Variants in FHIT observed in about 807,000 individuals in gnomAD.
FHIT encodes fragile histidine triad diadenosine triphosphatase.
A neutral mutation model predicts 17.9 loss-of-function variants in FHIT; 19 were observed. That is an observed-to-expected ratio of 1.06 (90% CI 0.74 to 1.56). The LOEUF is 1.56. Ranked by LOEUF, FHIT falls within the 40% of genes most tolerant of loss-of-function variation. The probability of loss-of-function intolerance (pLI) is 0.00; values close to 1 mark genes in which losing one functional copy is unlikely to be tolerated. For synonymous variants in FHIT, 81 were observed against 69.7 expected, an observed-to-expected ratio of 1.16 and a Z score of -0.81; for missense variants, 248 against 189.2, an observed-to-expected ratio of 1.31 and a Z score of -1.82.
intron 5 of FHIT, among the ~76,000 whole-genome samples, chr3:60,133,792 A>G (rs1418586544): frequency 2.6e-5 from 4 of 151,978 alleles, no homozygotes; most frequent in African/African-American, 9.7e-5. Flanking sequence ...TAAATCTAAA[A>G]ATAGAGTACT....
At chr3:61,223,044 T>C (rs2106834063) in intron 1 of FHIT, among the ~76,000 whole-genome samples, 1 of 152,340 alleles carries the variant, frequency 6.6e-6, no homozygotes, top group Admixed American at 6.5e-5. Flanking sequence ...TCTGCATTCA[T>C]TATCTCTGGC....
intron 4 of FHIT, among the ~76,000 whole-genome samples, chr3:60,723,701 T>C (rs1211538530): frequency 6.6e-6 from 1 of 152,250 alleles, no homozygotes; most frequent in Non-Finnish European, 1.5e-5. Context: ...CTTTGTGTTC[T>C]TTCACTGTAG....
intron 5 of FHIT, among the ~76,000 whole-genome samples, chr3:60,254,765 G>A (rs1705901339): frequency 6.6e-6 from 1 of 152,070 alleles, no homozygotes; most frequent in South Asian, 2.1e-4. Flanking sequence ...CCTTATATGA[G>A]ACAGAAAGGA....
At chr3:61,198,538 G>A (rs530477741) in intron 2 of FHIT, among the ~76,000 whole-genome samples, 11 of 151,934 alleles carry the variant, frequency 7.2e-5, no homozygotes, top group Admixed American at 5.3e-4. Context: ...AATTGGTGGG[G>A]GGGTTCCCTC....
At chr3:60,595,977 T>G (rs936913498) in intron 4 of FHIT, 1 of 153,770 alleles carries the variant, frequency 6.5e-6, no homozygotes, top group Non-Finnish European at 1.4e-5. Flanking sequence ...CCAAATCCCA[T>G]GCAAAGTATA....
intron 8 of FHIT, among the ~76,000 whole-genome samples, chr3:59,920,197 C>G (rs1705334491): frequency 6.6e-6 from 1 of 152,164 alleles, no homozygotes; most frequent in Non-Finnish European, 1.5e-5. Context: ...TGAAATAAGC[C>G]TTTCAGGCTA....
At position 60,111,481 on chromosome 3, in the gene FHIT, C is replaced by A. The variant is rs770747259; in HGVS notation, c.104-97329G>T. On this transcript the variant is annotated intron_variant, in intron 5 of 9. Transcript: ENST00000492590. Reference sequence around the variant, plus strand: ...TGACACCCTAGAAAAATGATGCCAACCCATGCAGATTAGTTTCTTCCAGCA... The same window carrying A: ...TGACACCCTAGAAAAATGATGCCAAACCATGCAGATTAGTTTCTTCCAGCA... Among the ~76,000 whole-genome samples, 32 of 152,284 alleles carry A rather than the reference C, an allele frequency of 2.1e-4. No individual in the cohort carries two copies. The South Asian group carries it at 3.3e-3, about 16-fold the overall frequency.
intron 3 of FHIT, among the ~76,000 whole-genome samples, chr3:61,013,641 AGAG>A (rs899967862): frequency 6.6e-6 from 1 of 152,202 alleles, no homozygotes; most frequent in Non-Finnish European, 1.5e-5. Flanking sequence ...GAGAGAAAAA[AGAG>A]GAGGTGATGA....
intron 8 of FHIT, among the ~76,000 whole-genome samples, chr3:59,907,727 C>T (rs561283242): frequency 2.0e-5 from 3 of 152,358 alleles, no homozygotes; most frequent in Admixed American, 6.5e-5. Flanking sequence ...CAAATTTCCA[C>T]AAACTCAGTG....
intron 7 of FHIT, among the ~76,000 whole-genome samples, chr3:59,977,089 C>T (rs901574516): frequency 1.3e-5 from 2 of 152,116 alleles, no homozygotes; most frequent in African/African-American, 4.8e-5. Flanking sequence ...ATATACCCTT[C>T]CTTAGCTGAT....
At position 60,682,707 on chromosome 3, in the gene FHIT, A is replaced by G. The variant is rs1391042268; in HGVS notation, c.-18+139212T>C. Among the ~76,000 whole-genome samples the G allele has an allele frequency of 2.0e-5, 3 of 152,176 alleles. No individual in the cohort carries two copies. The East Asian group carries it at 5.8e-4, about 29-fold the overall frequency. ...ATGAATGTTGTTTTCATGCCTGCCA[A>G]CACAGCATCCATTCTGCAGCCCATG... On this transcript the variant is annotated intron_variant, in intron 4 of 9. Coordinates refer to ENST00000492590, the MANE Select transcript of FHIT (RefSeq NM_002012.4).
rs1003129293 is a variant in FHIT at position 60,835,447 on chromosome 3, T to C, written c.-110-13436A>G. ...ACAAACAAGTTTTATAAATGTTTTA[T>C]TGGATTCACATAAGTATTTCATATT... is the stretch of plus-strand genomic sequence containing the variant. On this transcript the variant is annotated intron_variant, in intron 3 of 9. Transcript: ENST00000492590. 1.8e-4 allele frequency among the ~76,000 whole-genome samples: 28 copies of C among 152,330 alleles called. 1 individual carries two copies. The highest frequency in any genetic ancestry group is 1.5e-3 in the Admixed American group (23 of 15,296).
intron 2 of FHIT, among the ~76,000 whole-genome samples, chr3:61,129,674 T>C (rs1171676229): frequency 6.6e-6 from 1 of 152,112 alleles, no homozygotes; most frequent in African/African-American, 2.4e-5. Flanking sequence ...AATCAGGAGG[T>C]GAAAATCTTG....
intron 5 of FHIT, among the ~76,000 whole-genome samples, chr3:60,236,296 C>A (rs1704792442): frequency 6.7e-6 from 1 of 148,168 alleles, no homozygotes; most frequent in Non-Finnish European, 1.5e-5. Flanking sequence ...CCCTTGAGGA[C>A]AAAGATAGCA....
At chr3:60,572,549 G>GACAC (rs921276284) in intron 4 of FHIT, among the ~76,000 whole-genome samples, 1 of 151,844 alleles carries the variant, frequency 6.6e-6, no homozygotes, top group Non-Finnish European at 1.5e-5. Context: ...TACACACACA[G>GACAC]ACACACACAC....
intron 2 of FHIT, among the ~76,000 whole-genome samples, chr3:61,139,899 T>G (rs1349687003): frequency 6.6e-6 from 1 of 151,786 alleles, no homozygotes; most frequent in African/African-American, 2.4e-5. Flanking sequence ...TTTAGAAAAT[T>G]CATCAGAAAA....
rs575918686 is a variant in FHIT, at chr3:60,931,017, T to A, written c.-110-109006A>T. Among the ~76,000 whole-genome samples, 123 of 152,324 alleles carry A rather than the reference T, an allele frequency of 8.1e-4. 1 individual carries two copies. The highest frequency in any genetic ancestry group is 2.8e-3 in the African/African-American group (115 of 41,572). On this transcript the variant is annotated intron_variant, in intron 3 of 9. Transcript: ENST00000492590. The stretch of plus-strand genomic sequence containing the variant: ...AAGAAAATGTGGCACATATACACCA[T>A]GGAATACTATGCAGCCATAAAAATT...
At chr3:61,076,873 T>C (rs527581917) in intron 2 of FHIT, among the ~76,000 whole-genome samples, 1 of 152,318 alleles carries the variant, frequency 6.6e-6, no homozygotes, top group Non-Finnish European at 1.5e-5. Flanking sequence ...ATATTCATCC[T>C]GTTTCTTTTG....
chr3:61,110,900 T>G (rs1193201819), intron 2 of FHIT, among the ~76,000 whole-genome samples: 1 of 152,088 alleles, frequency 6.6e-6, no homozygotes, highest in African/African-American at 2.4e-5. Context: ...GGCATTTAGG[T>G]TTTACCGCTA....
Sources: allele counts gnomAD v4.1 joint callset (sites outside exome capture counted in the v4.1 genomes callset), GRCh38; gene constraint gnomAD v4.1.1; transcripts MANE v1.5; gene names NCBI Gene and HGNC (gene_info 2026-07-23, HGNC 2026-07-21).